PXDNL: variants seen among roughly 807,000 people sequenced by gnomAD.
PXDNL encodes the protein probable oxidoreductase PXDNL.
Under a neutral mutation model 150.8 loss-of-function variants are expected in PXDNL, and 145 were observed. The observed-to-expected ratio is 0.96, with a 90% CI of 0.84 to 1.10. The LOEUF is 1.10. Among genes scored for constraint, PXDNL ranks in the 50% least tolerant of loss-of-function variants. PXDNL has a pLI of 0.00. For missense variants in PXDNL, 2,087 were observed against 1,873.9 expected (o/e 1.11, Z -2.10); for synonymous variants, 757 against 725.7 (o/e 1.04, Z -0.69).
At chr8:51,502,261 G>T (rs957251914) in intron 4 of PXDNL, among the ~76,000 whole-genome samples, 2 of 152,178 alleles carry the variant, frequency 1.3e-5, no homozygotes, top group African/African-American at 4.8e-5. Context: ...AGCAAGTGGG[G>T]GGCGGCCGTG....
At chr8:51,728,079 G>A (rs1355185636) in intron 1 of PXDNL, among the ~76,000 whole-genome samples, 2 of 152,172 alleles carry the variant, frequency 1.3e-5, no homozygotes, top group East Asian at 3.8e-4. Context: ...GACCACATAT[G>A]CACTGGTGGT....
Position 51,331,732 on chromosome 8 carries a change from C to G in PXDNL, c.4146+7892G>C, listed in dbSNP as rs117232041. On this transcript the variant is annotated intron_variant, in intron 21 of 22. Coordinates refer to ENST00000356297, the MANE Select transcript of PXDNL (RefSeq NM_144651.5). ...CGGCTTTTCCTCACTTCCTCGACAA[C>G]CTGCATGACTCAGCAGAGGCAGCCA... Among the ~76,000 whole-genome samples, 235 of 152,142 alleles carry G rather than the reference C, an allele frequency of 1.5e-3. 2 individuals are homozygous for G. The East Asian group carries it at 0.022, about 14-fold the overall frequency.
intron 1 of PXDNL, among the ~76,000 whole-genome samples, chr8:51,801,449 C>T (rs1490305044): frequency 6.7e-6 from 1 of 148,828 alleles, no homozygotes; most frequent in Non-Finnish European, 1.5e-5. Context: ...TGACCAACTC[C>T]ATGTTCATAC....
intron 21 of PXDNL, among the ~76,000 whole-genome samples, chr8:51,336,274 A>G (rs1425478123): frequency 1.3e-5 from 2 of 152,212 alleles, no homozygotes; most frequent in East Asian, 3.9e-4. Flanking sequence ...ATTTTTCACA[A>G]AACAAAGGGT....
intron 1 of PXDNL, among the ~76,000 whole-genome samples, chr8:51,717,176 T>C (rs1351701826): frequency 6.6e-6 from 1 of 152,216 alleles, no homozygotes; most frequent in Non-Finnish European, 1.5e-5. Context: ...GGCTTACCAA[T>C]TTTATCTGTC....
chr8:51,373,282 G>A (rs990128969), intron 18 of PXDNL, among the ~76,000 whole-genome samples: 2 of 152,148 alleles, frequency 1.3e-5, no homozygotes, highest in Non-Finnish European at 2.9e-5. Flanking sequence ...CAGAAGAGAC[G>A]CCCCAGTAGG....
At chr8:51,791,104 G>A (rs1384928585) in intron 1 of PXDNL, among the ~76,000 whole-genome samples, 1 of 152,108 alleles carries the variant, frequency 6.6e-6, no homozygotes, top group African/African-American at 2.4e-5. Flanking sequence ...CTTGCCCAAA[G>A]ACACACAGCT....
At chr8:51,576,265 A>G (rs1190752426) in intron 3 of PXDNL, among the ~76,000 whole-genome samples, 1 of 151,724 alleles carries the variant, frequency 6.6e-6, no homozygotes, top group Non-Finnish European at 1.5e-5. Context: ...GAGAATACAT[A>G]TCAAGATAGA....
chr8:51,479,524 C>T (rs987854420), intron 6 of PXDNL, among the ~76,000 whole-genome samples: 1 of 152,160 alleles, frequency 6.6e-6, no homozygotes, highest in African/African-American at 2.4e-5. Context: ...GCTGTTGCAG[C>T]CAGTTCTGAC....
intron 2 of PXDNL, among the ~76,000 whole-genome samples, chr8:51,642,826 T>A (rs1253871539): frequency 1.3e-5 from 2 of 152,146 alleles, no homozygotes; most frequent in African/African-American, 4.8e-5. Context: ...CTTAAGCTGA[T>A]AAACAACTTC....
intron 17 of PXDNL, among the ~76,000 whole-genome samples, chr8:51,391,685 T>G (rs370581715): frequency 1.1e-4 from 16 of 152,264 alleles, no homozygotes; most frequent in East Asian, 5.8e-4. Flanking sequence ...CCATTTTGTA[T>G]GTTGCCTGTT....
intron 1 of PXDNL, among the ~76,000 whole-genome samples, chr8:51,688,147 T>A (rs982834149): frequency 1.3e-5 from 2 of 152,124 alleles, no homozygotes; most frequent in African/African-American, 4.8e-5. Context: ...TGTCTTAATA[T>A]GACAAATCTT....
intron 2 of PXDNL, among the ~76,000 whole-genome samples, chr8:51,603,256 T>G (rs1813765369): frequency 6.6e-6 from 1 of 151,964 alleles, no homozygotes; most frequent in Non-Finnish European, 1.5e-5. Flanking sequence ...GATTTTTTTC[T>G]GGGTAAATTT....
chr8:51,634,786 A>G lies in PXDNL; in HGVS notation c.236+19903T>C, dbSNP rs549373307. On this transcript the variant is annotated intron_variant, in intron 2 of 22. Coordinates refer to ENST00000356297, the MANE Select transcript of PXDNL (RefSeq NM_144651.5). ...TGATATGGCTCCCGGTTTGAACATT[A>G]TTAGTGTATAGAAATGATATTGATT... is the stretch of plus-strand genomic sequence containing the variant. 4.2e-4 allele frequency among the ~76,000 whole-genome samples: 64 copies of G among 152,158 alleles called. 1 individual carries two copies. The highest frequency in any genetic ancestry group is 1.5e-3 in the African/African-American group (61 of 41,544).
chr8:51,576,194 G>A (rs74618438), intron 3 of PXDNL, among the ~76,000 whole-genome samples: 3,515 of 131,150 alleles, frequency 0.027, 152 homozygotes, highest in African/African-American at 0.098. Context: ...TTAGAACACT[G>A]CTCCAAAAAA....
chr8:51,598,156 A>G (rs1305588880), intron 2 of PXDNL, among the ~76,000 whole-genome samples: 1 of 152,198 alleles, frequency 6.6e-6, no homozygotes, highest in Non-Finnish European at 1.5e-5. Context: ...TAGAATTTTA[A>G]GGCATAAAAT....
chr8:51,773,980 A>C (rs1053590450), intron 1 of PXDNL, among the ~76,000 whole-genome samples: 1 of 152,214 alleles, frequency 6.6e-6, no homozygotes, highest in Admixed American at 6.5e-5. Flanking sequence ...ATGTAAATTG[A>C]GATAATGAAA....
At position 51,608,382 on chromosome 8, in the gene PXDNL, C is replaced by G. The variant is rs554064170; in HGVS notation, c.237-15684G>C. Among the ~76,000 whole-genome samples the G allele has an allele frequency of 3.3e-4, 38 of 114,114 alleles. 1 individual carries two copies. In the East Asian group the frequency reaches 9.1e-3, roughly 27 times the overall value. The allele number at this position is 114,114 out of a possible 152,430, so 74.9% of individuals were successfully genotyped here. On this transcript the variant is annotated intron_variant, in intron 2 of 22. Coordinates refer to ENST00000356297, the MANE Select transcript of PXDNL (RefSeq NM_144651.5). Reference sequence around the variant, plus strand: ...CCAGCCTCAGCGACAGGGAGAGACTCCGTCAAAAAAAAAAAAAAAAAGAAA... The same window carrying G: ...CCAGCCTCAGCGACAGGGAGAGACTGCGTCAAAAAAAAAAAAAAAAAGAAA...
intron 8 of PXDNL, among the ~76,000 whole-genome samples, chr8:51,469,046 C>T (rs1012488533): frequency 1.3e-5 from 2 of 152,022 alleles, no homozygotes; most frequent in Non-Finnish European, 2.9e-5. Context: ...GAAGCTCTTT[C>T]AGCAAATACT....
Sources: allele counts gnomAD v4.1 joint callset (sites outside exome capture counted in the v4.1 genomes callset), GRCh38; gene constraint gnomAD v4.1.1; transcripts MANE v1.5; gene names NCBI Gene and HGNC (gene_info 2026-07-23, HGNC 2026-07-21).